CD99L2: variants seen among roughly 807,000 people sequenced by gnomAD.
The protein encoded by CD99L2 is CD99 antigen-like protein 2.
CD99L2 carries 24 observed loss-of-function variants against 27.3 expected under a neutral mutation model. The observed-to-expected ratio is 0.88, with a 90% CI of 0.64 to 1.24. CD99L2 has a LOEUF of 1.24. CD99L2 is among the 50% of genes most tolerant of loss of function. The probability of loss-of-function intolerance (pLI) is 0.00; values close to 1 mark genes in which losing one functional copy is unlikely to be tolerated. For missense variants in CD99L2, 255 were observed against 221.6 expected, an observed-to-expected ratio of 1.15 and a Z score of -0.96; for synonymous variants, 97 against 87.9, an observed-to-expected ratio of 1.10 and a Z score of -0.58.
At chrX:150,838,356 T>C (rs2046565266) in intron 1 of CD99L2, among the ~76,000 whole-genome samples, 1 of 111,691 alleles carries the variant, frequency 9.0e-6, no homozygotes, top group Non-Finnish European at 1.9e-5. Context: ...GAATAAAGTA[T>C]AGACTTTAGT....
Position 150,768,933 on chromosome X carries a change from G to A in CD99L2, c.*101C>T. 9.3e-7 allele frequency: 1 copy of A among 1,077,902 alleles called. No individual in the cohort carries two copies. The highest frequency in any genetic ancestry group is 1.2e-6 in the Non-Finnish European group (1 of 840,043). 88.8% of individuals were successfully genotyped at this position (1,077,902 alleles called of 1,213,427 possible). The stretch of plus-strand genomic sequence containing the variant: ...AACTCAGACCAACAAGGAGCCGATG[G>A]CACAGAGCAGCACAGCAGCTGCGGG... On this transcript the variant is annotated 3_prime_UTR_variant, in exon 11 of 11. Coordinates refer to ENST00000370377, the MANE Select transcript of CD99L2 (RefSeq NM_031462.4).
rs192401345 is a variant in CD99L2 at position 150,868,133 on chromosome X, T to G, written c.67+30389A>C. On this transcript the variant is annotated intron_variant, in intron 1 of 10. Transcript: ENST00000370377. Reference sequence around the variant, plus strand: ...TAATAATAATAATAATAATATATTGTATGGTGCCCACATTAGTGTAATTAG... The same window carrying G: ...TAATAATAATAATAATAATATATTGGATGGTGCCCACATTAGTGTAATTAG... Among the ~76,000 whole-genome samples, 434 of 108,011 alleles carry G rather than the reference T, an allele frequency of 4.0e-3. 4 individuals are homozygous for G. The highest frequency in any genetic ancestry group is 0.013 in the African/African-American group (398 of 29,738). 93.8% of individuals were successfully genotyped at this position (108,011 alleles called of 115,157 possible). A position where few individuals can be genotyped will look rare whatever the true frequency, so the allele number is the denominator to read the frequency against.
intron 7 of CD99L2, among the ~76,000 whole-genome samples, chrX:150,784,366 G>A (rs2045562081): frequency 9.0e-6 from 1 of 111,192 alleles, no homozygotes; most frequent in Non-Finnish European, 1.9e-5. Flanking sequence ...CTAAAGTACA[G>A]CAGCACCCTC....
At chrX:150,806,458 G>GT (rs1391139964) in intron 4 of CD99L2, among the ~76,000 whole-genome samples, 25 of 111,925 alleles carry the variant, frequency 2.2e-4, no homozygotes, top group African/African-American at 8.1e-4. Flanking sequence ...GTCTTGCTAA[G>GT]TTGTCCAGGC....
intron 1 of CD99L2, among the ~76,000 whole-genome samples, chrX:150,855,900 T>C (rs2046878330): frequency 8.9e-6 from 1 of 112,164 alleles, no homozygotes; most frequent in Non-Finnish European, 1.9e-5. Context: ...TGCATCTTTG[T>C]TGTTTTGAAT....
At position 150,826,294 on chromosome X, in the gene CD99L2, A is replaced by C. The variant is rs192720191; in HGVS notation, c.130+4937T>G. ...TTTGTTATGGCAGCACAAATGGACT[A>C]ATACAGGGCCCATGGTATTCCCAGG... On this transcript the variant is annotated intron_variant, in intron 2 of 10. Coordinates refer to ENST00000370377, the MANE Select transcript of CD99L2 (RefSeq NM_031462.4). Among the ~76,000 whole-genome samples the C allele has an allele frequency of 1.2e-4, 13 of 111,917 alleles. No individual in the cohort carries two copies. In the East Asian group the frequency reaches 3.7e-3, roughly 32 times the overall value.
At chrX:150,883,174 A>G (rs1324681130) in intron 1 of CD99L2, among the ~76,000 whole-genome samples, 1 of 111,923 alleles carries the variant, frequency 8.9e-6, no homozygotes, top group Non-Finnish European at 1.9e-5. Context: ...GGGCAACAAG[A>G]GCAAAACTCC....
chrX:150,824,497 A>AAAGAAGAAAGAAGAAGAAGAAAG (rs2046324559), intron 2 of CD99L2, among the ~76,000 whole-genome samples: 4 of 90,319 alleles, frequency 4.4e-5, no homozygotes, highest in Middle Eastern at 5.2e-3. Context: ...GAAGAAGAAG[A>AAAGAAGAAAGAAGAAGAAGAAAG]AAGAAGAAGA....
intron 1 of CD99L2, among the ~76,000 whole-genome samples, chrX:150,886,837 G>A (rs1557422635): frequency 9.0e-6 from 1 of 111,602 alleles, no homozygotes; most frequent in South Asian, 3.7e-4. Flanking sequence ...GGTCAGCAGT[G>A]CCATGGTTGA....
At chrX:150,892,239 A>AAAAT (rs1185210467) in intron 1 of CD99L2, among the ~76,000 whole-genome samples, 1 of 109,352 alleles carries the variant, frequency 9.1e-6, no homozygotes, top group African/African-American at 3.3e-5. Flanking sequence ...AAAAATAATA[A>AAAAT]AAATAAATAA....
At chrX:150,780,772 T>C (rs1392160565) in intron 7 of CD99L2, among the ~76,000 whole-genome samples, 1 of 112,255 alleles carries the variant, frequency 8.9e-6, no homozygotes, top group Non-Finnish European at 1.9e-5. Context: ...AGTGTTTCAC[T>C]TCCTTTTAGA....
In CD99L2 at chrX:150,898,653, C is replaced by CGAGGAGGAGCGG. The variant is rs1332512839; in HGVS notation, c.-77_-66dup. 1.5e-4 allele frequency: 151 copies of CGAGGAGGAGCGG among 985,772 alleles called. 1 individual carries two copies. The highest frequency in any genetic ancestry group is 1.1e-3 in the African/African-American group (54 of 48,023). 81.2% of individuals were successfully genotyped at this position (985,772 alleles called of 1,213,427 possible). ...GCGCGAGAGCGCCCGAAGGGGAGGCCGAGGAGGAGCGGGAGGAGGAGCCCC... is the reference window on the plus strand; with the variant it reads ...GCGCGAGAGCGCCCGAAGGGGAGGCCGAGGAGGAGCGGGAGGAGGAGCGGGAGGAGGAGCCCC... On this transcript the variant is annotated 5_prime_UTR_variant, in exon 1 of 11. Transcript: ENST00000370377.
At chrX:150,885,501 A>G (rs900000583) in intron 1 of CD99L2, among the ~76,000 whole-genome samples, 2 of 112,473 alleles carry the variant, frequency 1.8e-5, no homozygotes, top group African/African-American at 3.2e-5. Flanking sequence ...TGTGAAATAC[A>G]TATTTCAGCA....
Position 150,861,917 on chromosome X carries a change from AAG to A in CD99L2, c.68-30626_68-30625del, listed in dbSNP as rs34407146. ...CGAGACTCTTTCTCAAAAAAAAAAA[AAG>A]AGAGAGAGAGAGAGAGAGTACTATA... On this transcript the variant is annotated intron_variant, in intron 1 of 10. Coordinates refer to ENST00000370377, the MANE Select transcript of CD99L2 (RefSeq NM_031462.4). Among the ~76,000 whole-genome samples the A allele has an allele frequency of 5.6e-3, 577 of 103,247 alleles. 5 individuals carry two copies. Among genetic ancestry groups the A allele is most frequent in the African/African-American group, 0.019 (533 of 28,290 alleles). The allele number at this position is 103,247 out of a possible 115,157, so 89.7% of individuals were successfully genotyped here. A position where few individuals can be genotyped will look rare whatever the true frequency, so the allele number is the denominator to read the frequency against.
intron 7 of CD99L2, among the ~76,000 whole-genome samples, chrX:150,786,225 T>G (rs112594190): frequency 0.2 from 22,097 of 110,546 alleles, 1,603 homozygotes; most frequent in Middle Eastern, 0.29. Flanking sequence ...GGTTTTTTTT[T>G]TTAAAAAATT....
Position 150,898,509 on chromosome X carries a change from C to T in CD99L2, c.67+13G>A. On this transcript the variant is annotated intron_variant, in intron 1 of 10. Coordinates refer to ENST00000370377, the MANE Select transcript of CD99L2 (RefSeq NM_031462.4). ...TCCCCGCGCGGTCCCCGCGCGCCCC[C>T]CGCCCGCCTTACCTCGCTGGACCAG... The T allele has an allele frequency of 9.1e-7, 1 of 1,103,943 alleles. No individual in the cohort carries two copies. The highest frequency in any genetic ancestry group is 1.2e-6 in the Non-Finnish European group (1 of 844,238). 91.0% of individuals were successfully genotyped at this position (1,103,943 alleles called of 1,213,427 possible).
At chrX:150,854,904 C>T (rs1441194095) in intron 1 of CD99L2, among the ~76,000 whole-genome samples, 2 of 110,544 alleles carry the variant, frequency 1.8e-5, no homozygotes, top group East Asian at 5.7e-4. Context: ...GCCTGCTGCC[C>T]CCCCTCCCCC....
intron 7 of CD99L2, among the ~76,000 whole-genome samples, chrX:150,791,027 T>C (rs1697923002): frequency 9.0e-6 from 1 of 110,784 alleles, no homozygotes; most frequent in South Asian, 3.9e-4. Context: ...TTCTCCCCAC[T>C]CTGTCCTCTC....
chrX:150,787,926 A>ATATATATATAT (rs2045625602), intron 7 of CD99L2, among the ~76,000 whole-genome samples: 31 of 90,842 alleles, frequency 3.4e-4, no homozygotes, highest in African/African-American at 7.4e-4. Context: ...ATATATATAT[A>ATATATATATAT]AAAGGAGTCC....
Sources: allele counts gnomAD v4.1 joint callset (sites outside exome capture counted in the v4.1 genomes callset), GRCh38; gene constraint gnomAD v4.1.1; transcripts MANE v1.5; gene names NCBI Gene and HGNC (gene_info 2026-07-23, HGNC 2026-07-21).